PPT1: variants seen among roughly 807,000 people sequenced by gnomAD.
PPT1 encodes the protein ceroid-palmitoyl-palmitoyl-protein thioesterase 1.
PPT1 carries 24 observed loss-of-function variants against 44.0 expected under a neutral mutation model. The ratio of observed to expected loss-of-function variants is 0.54; its 90% confidence interval spans 0.39 to 0.77. PPT1 has a LOEUF of 0.77. PPT1 is among the 30% of genes least tolerant of loss of function. PPT1 has a pLI of 0.00. For missense variants in PPT1, 341 were observed against 378.8 expected, an observed-to-expected ratio of 0.90 and a Z score of 0.83; for synonymous variants, 148 against 140.2, an observed-to-expected ratio of 1.06 and a Z score of -0.39.
chr1:40,076,449 A>G (rs957422422), intron 8 of PPT1, among the ~76,000 whole-genome samples: 1 of 152,164 alleles, frequency 6.6e-6, no homozygotes, highest in Admixed American at 6.5e-5. Context: ...TGGGTGACAG[A>G]GCGAGACCCC....
Position 40,091,467 on chromosome 1 carries a change from C to G in PPT1, c.363-68G>C, listed in dbSNP as rs1167657270. The G allele has an allele frequency of 2.1e-6, 3 of 1,402,054 alleles. No homozygotes were observed. The African/African-American group carries it at 4.3e-5, about 20-fold the overall frequency. 86.9% of individuals were successfully genotyped at this position (1,402,054 alleles called of 1,614,324 possible). On this transcript the variant is annotated intron_variant, in intron 3 of 8. Transcript: ENST00000642050. Reference sequence around the variant, plus strand: ...AATGTATCATCCACAATCAGCATCACAGATTAAGCTAGTCATCCTCTGTGA... The same window carrying G: ...AATGTATCATCCACAATCAGCATCAGAGATTAAGCTAGTCATCCTCTGTGA...
chr1:40,077,612 G>T (rs529826901), intron 7 of PPT1, among the ~76,000 whole-genome samples: 2 of 152,350 alleles, frequency 1.3e-5, no homozygotes, highest in South Asian at 2.1e-4. Context: ...GACTGGGCCT[G>T]TGGGCCACAA....
At chr1:40,085,110 T>G (rs1649189848) in intron 5 of PPT1, among the ~76,000 whole-genome samples, 1 of 152,178 alleles carries the variant, frequency 6.6e-6, no homozygotes, top group Admixed American at 6.5e-5. Flanking sequence ...CCCAACCATC[T>G]CCCTGTGATG....
chr1:40,075,778 A>T (rs1444572403), intron 8 of PPT1, among the ~76,000 whole-genome samples: 1 of 151,700 alleles, frequency 6.6e-6, no homozygotes, highest in Non-Finnish European at 1.5e-5. Flanking sequence ...AGCCTGGCCA[A>T]CATGGTGAAA....
chr1:40,086,631 T>C (rs908454816), intron 5 of PPT1, among the ~76,000 whole-genome samples: 2 of 151,940 alleles, frequency 1.3e-5, no homozygotes, highest in Non-Finnish European at 2.9e-5. Flanking sequence ...TGGGGCATGG[T>C]CCCTTCCTGA....
intron 5 of PPT1, among the ~76,000 whole-genome samples, chr1:40,086,719 C>T (rs1045780070): frequency 1.3e-5 from 2 of 150,832 alleles, no homozygotes; most frequent in Admixed American, 6.8e-5. Flanking sequence ...ATTTGGAAGC[C>T]GTGCGAGGCC....
chr1:40,072,234 T>C (rs2124459842), downstream of PPT1: 2 of 374,424 alleles, frequency 5.3e-6, no homozygotes, highest in Admixed American at 5.0e-5. Flanking sequence ...CACCTTCCTA[T>C]AGAGATGACT....
chr1:40,080,032 C>G (rs979335428), intron 6 of PPT1, among the ~76,000 whole-genome samples: 8 of 152,170 alleles, frequency 5.3e-5, no homozygotes, highest in Non-Finnish European at 1.2e-4. Context: ...TCAGTGCCTA[C>G]TGTATCTCTC....
At chr1:40,096,447 C>A (rs1649846835) in intron 1 of PPT1, among the ~76,000 whole-genome samples, 1 of 152,070 alleles carries the variant, frequency 6.6e-6, no homozygotes, top group Non-Finnish European at 1.5e-5. Context: ...AACCCAAAAT[C>A]TGAAAGTTTT....
intron 5 of PPT1, among the ~76,000 whole-genome samples, chr1:40,083,762 G>A (rs1045921671): frequency 8.5e-5 from 13 of 152,172 alleles, no homozygotes; most frequent in African/African-American, 2.9e-4. Context: ...TATCATTCTA[G>A]ATGCCATTAA....
downstream of PPT1, chr1:40,072,668 T>C (rs1029482982): frequency 6.6e-6 from 1 of 152,670 alleles, no homozygotes; most frequent in Admixed American, 6.5e-5. Context: ...TTACCTGTGA[T>C]ATTGGCTGTA....
intron 4 of PPT1, 32 bp downstream of exon 4, chr1:40,091,297 A>G: frequency 6.3e-7 from 1 of 1,593,002 alleles, no homozygotes; most frequent in South Asian, 1.1e-5. Flanking sequence ...GGGTTAGAAT[A>G]CAGAAAAAAG....
chr1:40,087,759 A>C (rs1452705661), intron 5 of PPT1, among the ~76,000 whole-genome samples: 3 of 152,130 alleles, frequency 2.0e-5, no homozygotes, highest in African/African-American at 4.8e-5. Flanking sequence ...AATATGTAGA[A>C]TATAAATAAT....
At chr1:40,078,228 C>T (rs778752114) in intron 7 of PPT1, among the ~76,000 whole-genome samples, 10 of 152,282 alleles carry the variant, frequency 6.6e-5, no homozygotes, top group East Asian at 1.9e-4. Flanking sequence ...GACAGAGTCT[C>T]GCTCTGTCAC....
chr1:40,090,179 CCTAGA>C lies in PPT1; in HGVS notation c.434-672_434-668del, dbSNP rs201000879. Among the ~76,000 whole-genome samples the C allele has an allele frequency of 8.3e-3, 1,269 of 152,168 alleles. 26 individuals are homozygous for C. Among genetic ancestry groups the C allele is most frequent in the African/African-American group, 0.029 (1,208 of 41,478 alleles). ...CAAGAGATTGGGTCTTGCTATGTTG[CCTAGA>C]CTAAAGTGCAATGGCTATTCACAGG... On this transcript the variant is annotated intron_variant, in intron 4 of 8. Transcript: ENST00000642050.
At chr1:40,079,999 C>T (rs748641971) in intron 6 of PPT1, among the ~76,000 whole-genome samples, 2 of 152,160 alleles carry the variant, frequency 1.3e-5, no homozygotes, top group African/African-American at 2.4e-5. Context: ...ACCTACCAAA[C>T]CATGTTTGTG....
intron 1 of PPT1, among the ~76,000 whole-genome samples, chr1:40,095,370 C>T (rs1336666310): frequency 6.6e-6 from 1 of 152,164 alleles, no homozygotes; most frequent in African/African-American, 2.4e-5. Flanking sequence ...GTGGTCTCAC[C>T]TAGCCTTTAA....
intron 1 of PPT1, chr1:40,093,950 T>C: frequency 4.2e-6 from 3 of 714,818 alleles, no homozygotes; most frequent in Non-Finnish European, 7.8e-6. Context: ...CCCAGCGCTT[T>C]GGTAAGACGA....
intron 6 of PPT1, among the ~76,000 whole-genome samples, chr1:40,079,013 G>A (rs1003430591): frequency 2.0e-5 from 3 of 152,078 alleles, no homozygotes; most frequent in Non-Finnish European, 4.4e-5. Flanking sequence ...AGCTTTTGGA[G>A]TCTCCAGTGT....
Sources: gnomAD v4.1 joint callset for allele counts (sites outside exome capture counted in the v4.1 genomes callset) on GRCh38, gnomAD v4.1.1 for gene constraint, MANE v1.5 for transcripts, NCBI Gene and HGNC (gene_info 2026-07-23, HGNC 2026-07-21) for gene names.